The following MYO9B variants were observed in gnomAD, a reference collection of about 807,000 sequenced individuals.
The protein encoded by MYO9B is myosin IXB.
A neutral mutation model predicts 229.5 loss-of-function variants in MYO9B; 71 were observed. The observed-to-expected ratio is 0.31, with a 90% CI of 0.26 to 0.38. The LOEUF (loss-of-function observed/expected upper bound fraction) is 0.38, where lower values mean the gene tolerates loss of function less well. Among genes scored for constraint, MYO9B ranks in the 10% least tolerant of loss-of-function variants. The probability of loss-of-function intolerance (pLI) is 1.00; values close to 1 mark genes in which losing one functional copy is unlikely to be tolerated. For synonymous variants in MYO9B, 1,185 were observed against 1,235.8 expected, an observed-to-expected ratio of 0.96 and a Z score of 0.86; for missense variants, 2,255 against 2,920.5, an observed-to-expected ratio of 0.77 and a Z score of 5.25.
chr19:17,111,118 A>T, intron 2 of MYO9B, among the ~76,000 whole-genome samples: 1 of 152,126 alleles, frequency 6.6e-6, no homozygotes, highest in Non-Finnish European at 1.5e-5. Flanking sequence ...TTTCCCCCTG[A>T]GTCTGTCGGG....
At chr19:17,137,818 C>G (rs2072290227) in intron 2 of MYO9B, among the ~76,000 whole-genome samples, 1 of 151,862 alleles carries the variant, frequency 6.6e-6, no homozygotes, top group South Asian at 2.1e-4. Context: ...AATGCAGCTG[C>G]AGCCTCAACC....
chr19:17,077,731 T>C (rs1266988194), intron 1 of MYO9B, among the ~76,000 whole-genome samples: 2 of 152,258 alleles, frequency 1.3e-5, no homozygotes, highest in African/African-American at 4.8e-5. Flanking sequence ...GTCCCCCAGC[T>C]CCCGGCCTTG....
At chr19:17,180,873 G>C in intron 14 of MYO9B, 54 bp from the exon 15 acceptor site, 1 of 1,294,226 alleles carries the variant, frequency 7.7e-7, no homozygotes, top group Non-Finnish European at 1.1e-6. Context: ...TGGCAGGCCT[G>C]CTTCTAACTC....
chr19:17,186,472 C>G (rs2072920668), intron 18 of MYO9B, among the ~76,000 whole-genome samples: 2 of 152,148 alleles, frequency 1.3e-5, no homozygotes, highest in South Asian at 4.1e-4. Flanking sequence ...GGGAGGACAG[C>G]TCGGGGACTT....
intron 1 of MYO9B, among the ~76,000 whole-genome samples, chr19:17,097,232 A>G (rs2057701786): frequency 1.3e-5 from 2 of 151,770 alleles, no homozygotes; most frequent in South Asian, 4.2e-4. Context: ...GAGGCAGTAG[A>G]GTTGGTTCAG....
rs2073126534 is a variant in MYO9B at position 17,203,168 on chromosome 19, G to A, written c.4900G>A (p.Val1634Met). 6 of 1,575,288 alleles carry A rather than the reference G, an allele frequency of 3.8e-6. No individual in the cohort carries two copies. The highest frequency in any genetic ancestry group is 2.3e-5 in the South Asian group (2 of 85,688). The change falls in exon 30 of 40, where the codon GTG (valine) becomes ATG (methionine). Residue 1634 changes from valine (V) to methionine (M), a missense_variant. Physicochemically the swap from Val to Met is conservative, Grantham distance 21 (BLOSUM62 1). This residue lies in a region of MYO9B where 416 missense variants were observed against 605.5 expected (regional missense o/e 0.69). Transcript: ENST00000682292. ...ACAGGTCCAGGAGCACAACGGGCAC[G>A]TGTTCGCCAGCTACCAGGTTAGCAT... Reference protein sequence around the residue: ...ERAVQEHNGHVFASYQVSIPQ... With the variant: ...ERAVQEHNGHMFASYQVSIPQ...
chr19:17,169,802 CTTTTTTTTTTT>C (rs762583073), intron 11 of MYO9B, among the ~76,000 whole-genome samples: 11 of 106,588 alleles, frequency 1.0e-4, no homozygotes, highest in East Asian at 2.4e-4. Context: ...CTGTCTCCTC[CTTTTTTTTTTT>C]TTTTTTTTTT....
intron 30 of MYO9B, among the ~76,000 whole-genome samples, chr19:17,203,919 A>G (rs2073134444): frequency 6.6e-6 from 1 of 152,060 alleles, no homozygotes; most frequent in Non-Finnish European, 1.5e-5. Context: ...AGGGGACCCT[A>G]AGAGACAGGG....
intron 30 of MYO9B, among the ~76,000 whole-genome samples, chr19:17,203,839 C>T (rs116284118): frequency 0.012 from 1,844 of 152,142 alleles, 33 homozygotes; most frequent in African/African-American, 0.042. Context: ...GCTGCTCCAC[C>T]GCCTGAACCA....
intron 1 of MYO9B, among the ~76,000 whole-genome samples, chr19:17,087,700 C>T (rs541048335): frequency 3.3e-5 from 5 of 152,192 alleles, no homozygotes; most frequent in African/African-American, 9.6e-5. Flanking sequence ...GAGGCCGAGG[C>T]GGGTGGATCA....
At chr19:17,114,992 A>G (rs1341408647) in intron 2 of MYO9B, among the ~76,000 whole-genome samples, 1 of 151,428 alleles carries the variant, frequency 6.6e-6, no homozygotes, top group African/African-American at 2.4e-5. Context: ...TTAACTTTAA[A>G]AAAAATTTTT....
intron 28 of MYO9B, 25 bp downstream of exon 28, chr19:17,202,328 CACCTGTGACATGCCACGCCT>C (rs1220820406): frequency 6.5e-7 from 1 of 1,543,784 alleles, no homozygotes; most frequent in African/African-American, 1.4e-5. Context: ...ATGCCACGCC[CACCTGTGACATGCCACGCCT>C]ACCCATGCCT....
intron 1 of MYO9B, among the ~76,000 whole-genome samples, chr19:17,081,128 A>G (rs1023646630): frequency 1.2e-4 from 18 of 152,092 alleles, no homozygotes; most frequent in Non-Finnish European, 2.5e-4. Context: ...CCCAGGTTCA[A>G]GTGATTCTCC....
chr19:17,146,383 A>G (rs571827199), intron 3 of MYO9B, among the ~76,000 whole-genome samples: 1 of 150,852 alleles, frequency 6.6e-6, no homozygotes, highest in Non-Finnish European at 1.5e-5. Flanking sequence ...GGATAGATTC[A>G]TGGATGGATG....
chr19:17,128,684 G>C (rs10416416), intron 2 of MYO9B, among the ~76,000 whole-genome samples: 1,816 of 152,346 alleles, frequency 0.012, 45 homozygotes, highest in African/African-American at 0.04. Context: ...AGTGTCCCCA[G>C]GTGGGCGTCA....
rs190931410 is a variant in MYO9B at position 17,137,059 on chromosome 19, G to A, written c.841-8338G>A. On this transcript the variant is annotated intron_variant, in intron 2 of 39. Transcript: ENST00000682292. ...AGCCTGACCAACATGGAGAAACCCC[G>A]TCTCTACTTAAAATACAAAATTAGC... Among the ~76,000 whole-genome samples the A allele has an allele frequency of 9.1e-4, 139 of 152,156 alleles. 2 individuals carry two copies. The South Asian group carries it at 0.027, about 29-fold the overall frequency.
intron 2 of MYO9B, among the ~76,000 whole-genome samples, chr19:17,132,535 T>A (rs1225962994): frequency 2.3e-4 from 31 of 137,764 alleles, no homozygotes; most frequent in African/African-American, 5.7e-4. Flanking sequence ...ATTTTTTTTT[T>A]TTTTTTTTTT....
intron 2 of MYO9B, among the ~76,000 whole-genome samples, chr19:17,144,440 A>G (rs1280550424): frequency 2.3e-5 from 3 of 132,352 alleles, no homozygotes; most frequent in African/African-American, 9.5e-5. Context: ...CCCCATCTCT[A>G]CAAAAAATTA....
chr19:17,102,156 G>A lies in MYO9B; in HGVS notation c.439G>A (p.Asp147Asn). ...TGGCCTCCTGCCACGGCAGCAGGCGGACTTTGATGACCTGTGTAACCTCCC... is the reference window on the plus strand; with the variant it reads ...TGGCCTCCTGCCACGGCAGCAGGCGAACTTTGATGACCTGTGTAACCTCCC... ...ERGLLPRQQA[D>N]FDDLCNLPEL... Residue 147 changes from aspartate to asparagine, a missense_variant, in exon 2 of 40, where the codon GAC becomes AAC. This residue lies in a region of MYO9B where 386 missense variants were observed against 515.2 expected (regional missense o/e 0.75). Transcript: ENST00000682292. The A allele has an allele frequency of 6.2e-7, 1 of 1,613,772 alleles. No homozygotes were observed. The highest frequency in any genetic ancestry group is 8.5e-7 in the Non-Finnish European group (1 of 1,179,884).
Sources: gnomAD v4.1 joint callset for allele counts (sites outside exome capture counted in the v4.1 genomes callset) on GRCh38, gnomAD v4.1.1 for gene constraint, gnomAD v4.1.1 regional missense constraint, MANE v1.5 for transcripts, NCBI Gene and HGNC (gene_info 2026-07-23, HGNC 2026-07-21) for gene names.